The following ASH1L variants were observed in gnomAD, a reference collection of about 807,000 sequenced individuals.
ASH1L encodes ASH1 like histone lysine methyltransferase.
Under a neutral mutation model 269.0 loss-of-function variants are expected in ASH1L, and 23 were observed. The observed-to-expected ratio is 0.09, with a 90% CI of 0.06 to 0.12. The LOEUF is 0.12. Among genes scored for constraint, ASH1L ranks in the 10% least tolerant of loss-of-function variants. The pLI is 1.00. For synonymous variants in ASH1L, 1,187 were observed against 1,253.5 expected, an observed-to-expected ratio of 0.95 and a Z score of 1.12; for missense variants, 2,912 against 3,567.8, an observed-to-expected ratio of 0.82 and a Z score of 4.68.
At chr1:155,392,355 A>G (rs890665714) in intron 7 of ASH1L, among the ~76,000 whole-genome samples, 2 of 152,188 alleles carry the variant, frequency 1.3e-5, no homozygotes, top group Admixed American at 1.3e-4. Context: ...AGAGCTATAC[A>G]AGCGGGAAAT....
chr1:155,425,716 G>T (rs924610582), intron 5 of ASH1L, among the ~76,000 whole-genome samples: 1 of 151,998 alleles, frequency 6.6e-6, no homozygotes, highest in Non-Finnish European at 1.5e-5. Flanking sequence ...TTACAGGCGT[G>T]AGCCACCACA....
Position 155,424,192 on chromosome 1 carries a change from AG to A in ASH1L, c.5829-8270del, listed in dbSNP as rs1369930813. ...CATATAGGTCTCATAGGGTCATTCA[AG>A]GTTTATGGAATCGTAGTAAAAACGA... On this transcript the variant is annotated intron_variant, in intron 5 of 27. Coordinates refer to ENST00000392403, the MANE Select transcript of ASH1L (RefSeq NM_018489.3). Among the ~76,000 whole-genome samples the A allele has an allele frequency of 2.6e-5, 4 of 152,300 alleles. No individual in the cohort carries two copies. In the East Asian group the frequency reaches 7.7e-4, roughly 29 times the overall value.
intron 4 of ASH1L, among the ~76,000 whole-genome samples, chr1:155,445,288 A>G (rs1558114244): frequency 6.6e-6 from 1 of 152,018 alleles, no homozygotes; most frequent in Non-Finnish European, 1.5e-5. Flanking sequence ...GGTTCAAGCA[A>G]TTCTCCTGCC....
rs1397719575 is a variant in ASH1L at position 155,433,885 on chromosome 1, C to A, written c.5828+4442G>T. 3 of 1,601,968 alleles carry A rather than the reference C, an allele frequency of 1.9e-6. No homozygotes were observed. The East Asian group carries it at 6.7e-5, about 36-fold the overall frequency. On this transcript the variant is annotated intron_variant, in intron 5 of 27. Coordinates refer to ENST00000392403, the MANE Select transcript of ASH1L (RefSeq NM_018489.3). ...TGCAGGCTCGAAAGAGAAAGCGAAC[C>A]AGTATCGAGAACCGAGTGAGAGGCA...
intron 5 of ASH1L, among the ~76,000 whole-genome samples, chr1:155,435,661 A>T (rs1477491042): frequency 6.6e-6 from 1 of 152,010 alleles, no homozygotes; most frequent in Non-Finnish European, 1.5e-5. Flanking sequence ...TACAGGATTC[A>T]CCAGGAGAGA....
At chr1:155,491,124 TC>T (rs1172631092) in intron 2 of ASH1L, among the ~76,000 whole-genome samples, 1 of 152,004 alleles carries the variant, frequency 6.6e-6, no homozygotes, top group Non-Finnish European at 1.5e-5. Flanking sequence ...CTGTTCAAGA[TC>T]CTGGTCCATA....
chr1:155,426,022 G>A (rs1661128613), intron 5 of ASH1L, among the ~76,000 whole-genome samples: 2 of 151,882 alleles, frequency 1.3e-5, no homozygotes, highest in South Asian at 4.1e-4. Flanking sequence ...CCAAGTAGCT[G>A]GGACTACAGG....
intron 13 of ASH1L, among the ~76,000 whole-genome samples, chr1:155,359,796 T>C (rs370575600): frequency 1.4e-4 from 22 of 152,178 alleles, no homozygotes; most frequent in African/African-American, 5.3e-4. Context: ...CAGGCGGGTC[T>C]TGAACTCCCA....
chr1:155,473,254 T>C (rs770318301), intron 3 of ASH1L, among the ~76,000 whole-genome samples: 2 of 152,214 alleles, frequency 1.3e-5, no homozygotes, highest in Non-Finnish European at 2.9e-5. Context: ...TCTTGGCTCC[T>C]ACTGGCAACA....
At chr1:155,509,785 C>T (rs890076807) in intron 2 of ASH1L, among the ~76,000 whole-genome samples, 4 of 151,880 alleles carry the variant, frequency 2.6e-5, no homozygotes, top group Non-Finnish European at 5.9e-5. Flanking sequence ...GGCGACAGAG[C>T]GAGACTCCAT....
chr1:155,527,563 G>C (rs982602391), intron 1 of ASH1L, among the ~76,000 whole-genome samples: 4 of 136,090 alleles, frequency 2.9e-5, no homozygotes, highest in African/African-American at 1.1e-4. Flanking sequence ...TTGAGTCAAG[G>C]TCTCTCTCTG....
intron 3 of ASH1L, among the ~76,000 whole-genome samples, chr1:155,463,789 G>C (rs1664477558): frequency 6.6e-6 from 1 of 151,874 alleles, no homozygotes; most frequent in Non-Finnish European, 1.5e-5. Context: ...TGAGACCCTT[G>C]CCTTAATAAT....
At chr1:155,433,122 G>C (rs567543063) in intron 5 of ASH1L, 1 of 1,398,292 alleles carries the variant, frequency 7.2e-7, no homozygotes, top group African/African-American at 1.5e-5. Flanking sequence ...TGATAGAAAG[G>C]AATATAAAAA....
chr1:155,446,708 G>A (rs529773258), intron 4 of ASH1L, among the ~76,000 whole-genome samples: 184 of 143,628 alleles, frequency 1.3e-3, no homozygotes, highest in South Asian at 0.011. Context: ...TGCAAGCTCC[G>A]CCTCCTGGGT....
chr1:155,463,839 C>A (rs1479892848), intron 3 of ASH1L, among the ~76,000 whole-genome samples: 1 of 151,840 alleles, frequency 6.6e-6, no homozygotes, highest in Non-Finnish European at 1.5e-5. Context: ...TGAGTTATAC[C>A]CAGTAGGGAG....
At chr1:155,390,840 G>A (rs967802870) in intron 7 of ASH1L, among the ~76,000 whole-genome samples, 10 of 151,284 alleles carry the variant, frequency 6.6e-5, no homozygotes, top group African/African-American at 9.7e-5. Context: ...TAGTAGAGAC[G>A]TGGTTTCACC....
chr1:155,468,032 T>C (rs1228145996), intron 3 of ASH1L, among the ~76,000 whole-genome samples: 1 of 152,078 alleles, frequency 6.6e-6, no homozygotes, highest in Non-Finnish European at 1.5e-5. Flanking sequence ...TTCCAGACTT[T>C]GTTTAGATTT....
At chr1:155,519,071 C>G (rs1668692687) in intron 2 of ASH1L, among the ~76,000 whole-genome samples, 1 of 152,178 alleles carries the variant, frequency 6.6e-6, no homozygotes, top group Non-Finnish European at 1.5e-5. Context: ...GCAACATTCA[C>G]TGTAGCATTA....
chr1:155,552,254 G>A (rs538724081), intron 1 of ASH1L, among the ~76,000 whole-genome samples: 16 of 151,532 alleles, frequency 1.1e-4, no homozygotes, highest in African/African-American at 3.6e-4. Context: ...ATTACCTGAG[G>A]TAGGAGTTCA....
Sources: allele counts gnomAD v4.1 joint callset (sites outside exome capture counted in the v4.1 genomes callset), GRCh38; gene constraint gnomAD v4.1.1; transcripts MANE v1.5; gene names NCBI Gene and HGNC (gene_info 2026-07-23, HGNC 2026-07-21).